The following TMEM144 variants were observed in gnomAD, a reference collection of about 807,000 sequenced individuals.
TMEM144 encodes the protein transmembrane protein 144.
TMEM144 carries 39 observed loss-of-function variants against 43.6 expected under a neutral mutation model. The observed-to-expected ratio is 0.90, with a 90% CI of 0.69 to 1.17. The LOEUF is 1.17. TMEM144 is among the 50% of genes most tolerant of loss of function. The pLI is 0.00. For synonymous variants in TMEM144, 154 were observed against 133.6 expected (o/e 1.15, Z -1.06); for missense variants, 417 against 411.9 (o/e 1.01, Z -0.11).
chr4:158,250,765 G>C (rs1311139326), intron 12 of TMEM144, among the ~76,000 whole-genome samples: 1 of 152,188 alleles, frequency 6.6e-6, no homozygotes, highest in African/African-American at 2.4e-5. Context: ...TCATGAATCA[G>C]ATTAGCCCTG....
Position 158,254,730 on chromosome 4 carries a change from A to G in TMEM144, c.*1203A>G, listed in dbSNP as rs1170950447. ...TCAAATGTAAATTTTACCCATTCCC[A>G]CCTGATAGTACTGTTTATTACTTTG... On this transcript the variant is annotated 3_prime_UTR_variant, in exon 13 of 13. Transcript: ENST00000296529. 6.6e-6 allele frequency: 1 copy of G among 152,120 alleles called. No individual in the cohort carries two copies. Among genetic ancestry groups the G allele is most frequent in the Admixed American group, 6.5e-5 (1 of 15,270 alleles). The allele number at this position is 152,120 out of a possible 1,614,324, so 9.4% of individuals were successfully genotyped here.
intron 6 of TMEM144, among the ~76,000 whole-genome samples, chr4:158,227,656 G>C (rs1474375661): frequency 6.6e-6 from 1 of 151,924 alleles, no homozygotes; most frequent in South Asian, 2.1e-4. Context: ...CCACTGTGGA[G>C]AGCTCTAAAA....
At chr4:158,244,234 T>C in intron 11 of TMEM144, 62 bp from the exon 12 acceptor site, 1 of 1,255,206 alleles carries the variant, frequency 8.0e-7, no homozygotes, top group South Asian at 1.4e-5. Flanking sequence ...CTTACTATAT[T>C]TATATAGAAT....
intron 7 of TMEM144, 29 bp downstream of exon 7, chr4:158,233,011 T>A (rs199677704): frequency 2.7e-5 from 41 of 1,496,872 alleles, no homozygotes; most frequent in Non-Finnish European, 3.6e-5. Flanking sequence ...ACAACTTGAT[T>A]TGAAACATAA....
chr4:158,216,400 A>G (rs1734225300), intron 4 of TMEM144, among the ~76,000 whole-genome samples: 1 of 152,222 alleles, frequency 6.6e-6, no homozygotes, highest in South Asian at 2.1e-4. Context: ...GTATTGACAC[A>G]TATGTGGAAA....
chr4:158,211,414 A>G (rs1305150915), intron 1 of TMEM144, 39 bp from the exon 2 acceptor site: 1 of 152,190 alleles, frequency 6.6e-6, no homozygotes, highest in African/African-American at 2.4e-5. Flanking sequence ...TGGGGAGAAA[A>G]TGATGTGTTA....
intron 6 of TMEM144, among the ~76,000 whole-genome samples, chr4:158,223,666 G>T (rs1734613473): frequency 6.6e-6 from 1 of 152,150 alleles, no homozygotes; most frequent in African/African-American, 2.4e-5. Flanking sequence ...TGCAGTGTTT[G>T]GTTTTCTGTT....
intron 6 of TMEM144, 109 bp downstream of exon 6, chr4:158,219,499 A>T: frequency 1.9e-6 from 2 of 1,067,404 alleles, no homozygotes; most frequent in South Asian, 1.5e-5. Context: ...TAAAATCCAC[A>T]TGCTTGTTCC....
chr4:158,253,493 C>T lies in TMEM144; in HGVS notation c.1004C>T (p.Thr335Ile). Residue 335 changes from threonine (T) to isoleucine (I), a missense_variant, in exon 13 of 13, where the codon ACT becomes ATT. Thr to Ile is a moderately conservative substitution (Grantham distance 89, BLOSUM62 -1). Coordinates refer to ENST00000296529, the MANE Select transcript of TMEM144 (RefSeq NM_018342.5). ...LMILAFCIIL[T>I]GALCTAFSKI ...ATACTTGCATTTTGCATCATCTTGA[C>T]TGGAGCCTTATGCACTGCTTTTTCT... 6.2e-7 allele frequency: 1 copy of T among 1,613,880 alleles called. No homozygotes were observed. The highest frequency in any genetic ancestry group is 8.5e-7 in the Non-Finnish European group (1 of 1,179,868).
chr4:158,221,144 G>T (rs1333414942), intron 6 of TMEM144, among the ~76,000 whole-genome samples: 1 of 152,090 alleles, frequency 6.6e-6, no homozygotes, highest in East Asian at 1.9e-4. Context: ...TTCTTTATAT[G>T]ATATACAAAG....
chr4:158,237,852 G>A (rs1735434748), intron 9 of TMEM144, among the ~76,000 whole-genome samples: 1 of 152,074 alleles, frequency 6.6e-6, no homozygotes, highest in South Asian at 2.1e-4. Context: ...CTTTAGCCAG[G>A]ACTCTTTTCA....
At chr4:158,232,423 G>A (rs1002570643) in intron 6 of TMEM144, among the ~76,000 whole-genome samples, 2 of 152,172 alleles carry the variant, frequency 1.3e-5, no homozygotes, top group Non-Finnish European at 2.9e-5. Context: ...GGATTGGTAA[G>A]GTCAGAAGTG....
chr4:158,210,853 A>G (rs1733923452), intron 1 of TMEM144: 1 of 152,254 alleles, frequency 6.6e-6, no homozygotes, highest in African/African-American at 2.4e-5. Flanking sequence ...GTCTGCGTAG[A>G]AGTTTAAATT....
intron 6 of TMEM144, among the ~76,000 whole-genome samples, chr4:158,228,020 G>T (rs1352052966): frequency 6.6e-6 from 1 of 151,972 alleles, no homozygotes; most frequent in Non-Finnish European, 1.5e-5. Flanking sequence ...GGGTAAAAAG[G>T]CACACACACA....
chr4:158,230,299 T>TAA (rs1371069467), intron 6 of TMEM144, among the ~76,000 whole-genome samples: 1 of 152,198 alleles, frequency 6.6e-6, no homozygotes, highest in Non-Finnish European at 1.5e-5. Flanking sequence ...TGACCGTTAT[T>TAA]ATGTCAGCCA....
At chr4:158,236,896 GC>G (rs1452099437) in intron 8 of TMEM144, among the ~76,000 whole-genome samples, 1 of 152,020 alleles carries the variant, frequency 6.6e-6, no homozygotes, top group Admixed American at 6.6e-5. Flanking sequence ...TGCAGATATG[GC>G]CCAAGTCTGG....
chr4:158,238,196 C>T (rs1484083050), intron 9 of TMEM144, among the ~76,000 whole-genome samples: 1 of 152,104 alleles, frequency 6.6e-6, no homozygotes, highest in African/African-American at 2.4e-5. Flanking sequence ...AAAGTGTTTA[C>T]TTTGGGGATC....
At chr4:158,222,758 TGTC>T (rs1734568391) in intron 6 of TMEM144, among the ~76,000 whole-genome samples, 1 of 152,236 alleles carries the variant, frequency 6.6e-6, no homozygotes, top group African/African-American at 2.4e-5. Context: ...TGACTTCAGT[TGTC>T]GGCGTAACTG....
Position 158,219,380 on chromosome 4 carries a change from T to C in TMEM144, c.403T>C (p.Ser135Pro). Residue 135 changes from serine (S) to proline (P), a missense_variant, in exon 6 of 13, where the codon TCA (serine) becomes CCA (proline). By Grantham distance (74) the Ser-to-Pro change is moderately conservative. Coordinates refer to ENST00000296529, the MANE Select transcript of TMEM144 (RefSeq NM_018342.5). ...PLLNYIGAGL[S>P]VVSAFIFLFI... ...GCTAAATTACATTGGAGCTGGGCTATCAGTAGTAAGGTACACAGTCATTTC... is the reference window on the plus strand; with the variant it reads ...GCTAAATTACATTGGAGCTGGGCTACCAGTAGTAAGGTACACAGTCATTTC... 1.2e-6 allele frequency: 2 copies of C among 1,613,834 alleles called. No homozygotes were observed. The highest frequency in any genetic ancestry group is 1.7e-6 in the Non-Finnish European group (2 of 1,179,776).
Sources: gnomAD v4.1 joint callset for allele counts (sites outside exome capture counted in the v4.1 genomes callset) on GRCh38, gnomAD v4.1.1 for gene constraint, MANE v1.5 for transcripts, NCBI Gene and HGNC (gene_info 2026-07-23, HGNC 2026-07-21) for gene names.